Variants in LUZP2 observed in about 807,000 individuals in gnomAD.
LUZP2 encodes the protein leucine zipper protein 2.
Under a neutral mutation model 51.6 loss-of-function variants are expected in LUZP2, and 52 were observed. That is an observed-to-expected ratio of 1.01 (90% CI 0.81 to 1.27). LUZP2 has a LOEUF of 1.27. Among genes scored for constraint, LUZP2 ranks in the 50% most tolerant of loss-of-function variants. The pLI is 0.00. For synonymous variants in LUZP2, 154 were observed against 137.3 expected, an observed-to-expected ratio of 1.12 and a Z score of -0.85; for missense variants, 436 against 395.4, an observed-to-expected ratio of 1.10 and a Z score of -0.87.
rs1853738206 is a variant in LUZP2, at chr11:24,914,549, T to C, written c.522+11T>C. ...GATTTATTATTTAAGGTGAGTCTCT[T>C]TTCTCTCTTTTCCCTGAAACTTGCT... is the stretch of plus-strand genomic sequence containing the variant. On this transcript the variant is annotated intron_variant, in intron 7 of 11. Coordinates refer to ENST00000336930, the MANE Select transcript of LUZP2 (RefSeq NM_001009909.4). 6.4e-7 allele frequency: 1 copy of C among 1,572,396 alleles called. No homozygotes were observed. The highest frequency in any genetic ancestry group is 1.8e-5 in the Admixed American group (1 of 54,226).
In LUZP2 at chr11:24,807,228, G is replaced by A. The variant is rs117914386; in HGVS notation, c.396+43920G>A. 4.4e-3 allele frequency among the ~76,000 whole-genome samples: 673 copies of A among 152,040 alleles called. 5 individuals carry two copies. Among genetic ancestry groups the A allele is most frequent in the Non-Finnish European group, 5.3e-3 (359 of 67,952 alleles). Reference sequence around the variant, plus strand: ...CCCAGCATTTTGGGAGGCCAAGGTGGGAGGTGGGCAGATCACCTGAGGTCA... The same window carrying A: ...CCCAGCATTTTGGGAGGCCAAGGTGAGAGGTGGGCAGATCACCTGAGGTCA... On this transcript the variant is annotated intron_variant, in intron 5 of 11. Transcript: ENST00000336930.
intron 9 of LUZP2, among the ~76,000 whole-genome samples, chr11:25,008,516 CT>C (rs750320710): frequency 4.6e-5 from 7 of 152,176 alleles, no homozygotes; most frequent in African/African-American, 7.2e-5. Context: ...CATTTGGTTC[CT>C]CCATTTGCAG....
chr11:24,566,502 TTGTGTGTG>T (rs201421517), intron 1 of LUZP2, among the ~76,000 whole-genome samples: 3 of 147,662 alleles, frequency 2.0e-5, no homozygotes, highest in Non-Finnish European at 4.5e-5. Flanking sequence ...ATAATTTAAT[TTGTGTGTG>T]TGTGTATGTG....
chr11:25,022,822 C>T (rs577271422), intron 9 of LUZP2, among the ~76,000 whole-genome samples: 25 of 152,054 alleles, frequency 1.6e-4, no homozygotes, highest in Non-Finnish European at 2.8e-4. Context: ...AGATACGTCC[C>T]ATCAATACCT....
chr11:24,882,502 CTG>C (rs1852504340), intron 5 of LUZP2, among the ~76,000 whole-genome samples: 1 of 151,990 alleles, frequency 6.6e-6, no homozygotes, highest in African/African-American at 2.4e-5. Flanking sequence ...GTTCTACATT[CTG>C]TACATCCTGT....
At chr11:25,030,995 T>TTA (rs1269322497) in intron 9 of LUZP2, among the ~76,000 whole-genome samples, 3 of 9,272 alleles carry the variant, frequency 3.2e-4, no homozygotes, top group African/African-American at 2.2e-3. Flanking sequence ...ACAATATATA[T>TTA]TATATATATA....
intron 1 of LUZP2, among the ~76,000 whole-genome samples, chr11:24,616,516 G>C (rs1305950180): frequency 3.8e-5 from 5 of 131,110 alleles, no homozygotes; most frequent in African/African-American, 1.2e-4. Context: ...TTAATGTTTT[G>C]ACCATGGATG....
intron 1 of LUZP2, among the ~76,000 whole-genome samples, chr11:24,708,467 G>T: frequency 6.6e-6 from 1 of 151,976 alleles, no homozygotes; most frequent in African/African-American, 2.4e-5. Flanking sequence ...TATCATTATT[G>T]CCAATGTTGC....
intron 5 of LUZP2, among the ~76,000 whole-genome samples, chr11:24,800,206 T>A (rs1230895343): frequency 6.6e-6 from 1 of 152,066 alleles, no homozygotes. Flanking sequence ...GAAGTGAATA[T>A]CTGAAGGTGA....
intron 1 of LUZP2, among the ~76,000 whole-genome samples, chr11:24,587,466 A>C (rs1853108997): frequency 6.6e-6 from 1 of 151,964 alleles, no homozygotes; most frequent in Non-Finnish European, 1.5e-5. Flanking sequence ...TGGACGGAAA[A>C]TTTTCTTCTT....
chr11:25,059,157 G>C (rs1165056524), intron 10 of LUZP2, among the ~76,000 whole-genome samples: 1 of 152,080 alleles, frequency 6.6e-6, no homozygotes, highest in East Asian at 1.9e-4. Flanking sequence ...ATTATTCTGA[G>C]TTATTTTAAT....
intron 5 of LUZP2, among the ~76,000 whole-genome samples, chr11:24,904,365 C>T (rs1185576312): frequency 1.3e-5 from 2 of 152,078 alleles, no homozygotes; most frequent in African/African-American, 4.8e-5. Context: ...TCACTGCAAG[C>T]TCTGCCTCCT....
At chr11:24,787,797 T>TTA (rs1184750545) in intron 5 of LUZP2, among the ~76,000 whole-genome samples, 1 of 152,196 alleles carries the variant, frequency 6.6e-6, no homozygotes, top group South Asian at 2.1e-4. Context: ...ATACACATAA[T>TTA]TATTATTTCT....
intron 9 of LUZP2, among the ~76,000 whole-genome samples, chr11:25,038,099 T>G (rs1337474227): frequency 6.6e-6 from 1 of 152,016 alleles, no homozygotes; most frequent in South Asian, 2.1e-4. Context: ...TTATTAAACA[T>G]ATTGTCCAAG....
chr11:24,941,876 T>C (rs976178175), intron 7 of LUZP2, among the ~76,000 whole-genome samples: 22 of 152,184 alleles, frequency 1.4e-4, no homozygotes, highest in Middle Eastern at 3.4e-3. Context: ...TCAAGATATA[T>C]AACTGTGCCA....
At chr11:24,922,841 T>C (rs1590734943) in intron 7 of LUZP2, among the ~76,000 whole-genome samples, 1 of 104,134 alleles carries the variant, frequency 9.6e-6, no homozygotes, top group East Asian at 2.4e-4. Flanking sequence ...TTTTTTCTTT[T>C]TTTTTTTTTT....
At chr11:24,663,428 C>G (rs1252885313) in intron 1 of LUZP2, among the ~76,000 whole-genome samples, 1 of 152,146 alleles carries the variant, frequency 6.6e-6, no homozygotes, top group Non-Finnish European at 1.5e-5. Flanking sequence ...GCCTGTGGAA[C>G]TATGAGTCAA....
At position 24,538,648 on chromosome 11, in the gene LUZP2, T is replaced by A. The variant is rs1243469115; in HGVS notation, c.62+41343T>A. Among the ~76,000 whole-genome samples the A allele has an allele frequency of 3.4e-5, 3 of 88,802 alleles. No homozygotes were observed. The Admixed American group carries it at 4.0e-4, about 12-fold the overall frequency. 58.3% of individuals were successfully genotyped at this position (88,802 alleles called of 152,430 possible). A position where few individuals can be genotyped will look rare whatever the true frequency, so the allele number is the denominator to read the frequency against. On this transcript the variant is annotated intron_variant, in intron 1 of 11. Coordinates refer to ENST00000336930, the MANE Select transcript of LUZP2 (RefSeq NM_001009909.4). ...ATATATATGTGTATTTATGTGTTTTTTATATGTGTGTGTGTGTGTGTATAT... is the reference window on the plus strand; with the variant it reads ...ATATATATGTGTATTTATGTGTTTTATATATGTGTGTGTGTGTGTGTATAT...
In LUZP2 at chr11:24,809,396, C is replaced by T. The variant is rs114522471; in HGVS notation, c.396+46088C>T. Among the ~76,000 whole-genome samples, 995 of 152,252 alleles carry T rather than the reference C, an allele frequency of 6.5e-3. 9 individuals are homozygous for T. Among genetic ancestry groups the T allele is most frequent in the African/African-American group, 0.023 (942 of 41,560 alleles). ...GAGTTAGTTTCCTTTTTACTGCACA[C>T]TCTTTCAGCATGCCATTCTATTCCC... On this transcript the variant is annotated intron_variant, in intron 5 of 11. Coordinates refer to ENST00000336930, the MANE Select transcript of LUZP2 (RefSeq NM_001009909.4).
Sources: allele counts gnomAD v4.1 joint callset (sites outside exome capture counted in the v4.1 genomes callset), GRCh38; gene constraint gnomAD v4.1.1; transcripts MANE v1.5; gene names NCBI Gene and HGNC (gene_info 2026-07-23, HGNC 2026-07-21).